The following PCDHA3 variants were observed in gnomAD, a reference collection of about 807,000 sequenced individuals.
PCDHA3 encodes protocadherin alpha 3, also known as protocadherin alpha-3.
PCDHA3 carries 41 observed loss-of-function variants against 62.2 expected under a neutral mutation model. The observed-to-expected ratio is 0.66, with a 90% CI of 0.51 to 0.86. The LOEUF (loss-of-function observed/expected upper bound fraction) is 0.86. Among genes scored for constraint, PCDHA3 ranks in the 40% least tolerant of loss-of-function variants. PCDHA3 has a pLI of 0.00. For missense variants in PCDHA3, 1,304 were observed against 1,241.2 expected (o/e 1.05, Z -0.76); for synonymous variants, 640 against 555.4 (o/e 1.15, Z -2.14).
intron 1 of PCDHA3, among the ~76,000 whole-genome samples, chr5:140,945,576 T>G (rs1383348275): frequency 6.6e-6 from 1 of 152,064 alleles, no homozygotes; most frequent in African/African-American, 2.4e-5. Context: ...ACTACCTGGC[T>G]TCAAAATATA....
intron 1 of PCDHA3, among the ~76,000 whole-genome samples, chr5:140,948,853 C>T (rs1385628610): frequency 6.6e-6 from 1 of 151,298 alleles, no homozygotes; most frequent in Non-Finnish European, 1.5e-5. Context: ...TATTTGCCTT[C>T]TTATATTACT....
intron 1 of PCDHA3, chr5:140,851,704 T>C (rs1454502056): frequency 2.1e-6 from 2 of 950,842 alleles, no homozygotes; most frequent in African/African-American, 1.8e-5. Context: ...TGATCAGCCA[T>C]GTGAAGATTC....
chr5:140,813,251 C>T (rs1765253661), intron 1 of PCDHA3: 1 of 152,142 alleles, frequency 6.6e-6, no homozygotes, highest in African/African-American at 2.4e-5. Flanking sequence ...AAATCTCCTA[C>T]TACAGTCATT....
At chr5:140,810,923 TTTACA>T (rs782478731) in intron 1 of PCDHA3, 7 of 152,192 alleles carry the variant, frequency 4.6e-5, no homozygotes, top group Non-Finnish European at 8.8e-5. Flanking sequence ...TATTTCATTG[TTTACA>T]TTACATCTAC....
intron 1 of PCDHA3, chr5:140,868,003 A>C (rs1166493353): frequency 6.6e-6 from 1 of 152,130 alleles, no homozygotes; most frequent in South Asian, 2.1e-4. Context: ...AATATAACTG[A>C]ATTAGATTAA....
intron 1 of PCDHA3, chr5:140,812,386 G>C (rs2126638126): frequency 6.6e-6 from 1 of 151,798 alleles, no homozygotes; most frequent in African/African-American, 2.4e-5. Context: ...TTTTTTCTTA[G>C]TCTAGCTAAG....
chr5:140,942,902 A>G (rs956281163), intron 1 of PCDHA3, among the ~76,000 whole-genome samples: 7 of 152,112 alleles, frequency 4.6e-5, no homozygotes, highest in Admixed American at 1.3e-4. Context: ...ATCTCTAAGA[A>G]TAAGCGTGAA....
intron 1 of PCDHA3, chr5:140,966,848 C>T (rs573027963): frequency 1.3e-6 from 2 of 1,571,846 alleles, no homozygotes; most frequent in East Asian, 2.3e-5. Flanking sequence ...GCTACTGCCT[C>T]TCCTGCTGCT....
intron 1 of PCDHA3, chr5:140,871,151 C>T: frequency 6.2e-7 from 1 of 1,613,328 alleles, no homozygotes; most frequent in Non-Finnish European, 8.5e-7. Flanking sequence ...CGGACTTTGG[C>T]GGGCGCCGCG....
intron 1 of PCDHA3, chr5:140,828,911 A>T (rs2150160742): frequency 6.2e-7 from 1 of 1,614,128 alleles, no homozygotes; most frequent in Non-Finnish European, 8.5e-7. Context: ...TGAAGGAGCG[A>T]ATGGGGCAAT....
At position 140,836,647 on chromosome 5, in the gene PCDHA3, G is replaced by C. The variant is rs2150266694; in HGVS notation, c.2394+33056G>C. The C allele has an allele frequency of 1.3e-5, 21 of 1,613,346 alleles. 1 individual carries two copies. The highest frequency in any genetic ancestry group is 1.6e-5 in the Non-Finnish European group (19 of 1,179,654). ...AGCTGGTCATTCTCCCAGCAGAGGCGGCAGAGGGTGTGCTCTGGGGAGGGC... is the reference window on the plus strand; with the variant it reads ...AGCTGGTCATTCTCCCAGCAGAGGCCGCAGAGGGTGTGCTCTGGGGAGGGC... On this transcript the variant is annotated intron_variant, in intron 1 of 3. Transcript: ENST00000522353.
rs1554263543 is a variant in PCDHA3, at chr5:141,011,545, G to A, written c.*1608G>A. 1 of 153,624 alleles carries A rather than the reference G, an allele frequency of 6.5e-6. No individual in the cohort carries two copies. Among genetic ancestry groups the A allele is most frequent in the Non-Finnish European group, 1.5e-5 (1 of 68,004 alleles). 9.5% of individuals were successfully genotyped at this position (153,624 alleles called of 1,614,324 possible). A position where few individuals can be genotyped will look rare whatever the true frequency, so the allele number is the denominator to read the frequency against. Reference sequence around the variant, plus strand: ...TTAACCATTGTTAATCAGCTTTTGTGTATGAAAGACACAGTAAAATTTCTT... The same window carrying A: ...TTAACCATTGTTAATCAGCTTTTGTATATGAAAGACACAGTAAAATTTCTT... On this transcript the variant is annotated 3_prime_UTR_variant, in exon 4 of 4. Coordinates refer to ENST00000522353, the MANE Select transcript of PCDHA3 (RefSeq NM_018906.3).
chr5:140,868,900 G>A (rs2050728202), intron 1 of PCDHA3: 1 of 811,546 alleles, frequency 1.2e-6, no homozygotes, highest in Non-Finnish European at 1.9e-6. Flanking sequence ...GCAAGGTGTC[G>A]CTCTTTACTT....
intron 3 of PCDHA3, among the ~76,000 whole-genome samples, chr5:141,004,282 G>T (rs1444607316): frequency 3.3e-5 from 5 of 152,190 alleles, no homozygotes; most frequent in African/African-American, 1.2e-4. Context: ...ACATGCTGCT[G>T]AGCTCTCAGA....
At chr5:140,971,952 C>T (rs782029862) in intron 1 of PCDHA3, among the ~76,000 whole-genome samples, 3 of 152,012 alleles carry the variant, frequency 2.0e-5, no homozygotes, top group Non-Finnish European at 4.4e-5. Context: ...CATCTGACTC[C>T]AAAAACTTTT....
At chr5:140,838,240 A>C (rs181955850) in intron 1 of PCDHA3, among the ~76,000 whole-genome samples, 1 of 150,206 alleles carries the variant, frequency 6.7e-6, no homozygotes, top group Admixed American at 6.6e-5. Context: ...CAGTCTCCCA[A>C]GTAGCTGGGA....
At chr5:140,989,644 T>C (rs1284720942) in intron 3 of PCDHA3, among the ~76,000 whole-genome samples, 3 of 152,232 alleles carry the variant, frequency 2.0e-5, no homozygotes, top group Non-Finnish European at 4.4e-5. Flanking sequence ...GGGTCTTTCA[T>C]GGCAATATTT....
chr5:140,821,976 CA>C (rs2150112457), intron 1 of PCDHA3: 1 of 1,614,196 alleles, frequency 6.2e-7, no homozygotes, highest in South Asian at 1.1e-5. Flanking sequence ...GGGTGGCGTC[CA>C]AGGGCCGCGG....
chr5:140,858,362 C>A, intron 1 of PCDHA3: 1 of 1,591,614 alleles, frequency 6.3e-7, no homozygotes, highest in Non-Finnish European at 8.6e-7. Flanking sequence ...GGCCTTCAGC[C>A]CCAGCCTTCC....
Sources: allele counts gnomAD v4.1 joint callset (sites outside exome capture counted in the v4.1 genomes callset), GRCh38; gene constraint gnomAD v4.1.1; transcripts MANE v1.5; gene names NCBI Gene and HGNC (gene_info 2026-07-23, HGNC 2026-07-21).